The following NKAIN2 variants were observed in gnomAD, a reference collection of about 807,000 sequenced individuals.
NKAIN2 encodes the protein sodium/potassium-transporting ATPase subunit beta-1-interacting protein 2.
Under a neutral mutation model 32.6 loss-of-function variants are expected in NKAIN2, and 14 were observed. The observed-to-expected ratio is 0.43, with a 90% CI of 0.28 to 0.67. The LOEUF (loss-of-function observed/expected upper bound fraction) is 0.67, where lower values mean the gene tolerates loss of function less well. Among genes scored for constraint, NKAIN2 ranks in the 30% least tolerant of loss-of-function variants. The pLI is 0.17. For synonymous variants in NKAIN2, 80 were observed against 87.2 expected, an observed-to-expected ratio of 0.92 and a Z score of 0.46; for missense variants, 198 against 258.3, an observed-to-expected ratio of 0.77 and a Z score of 1.60.
At position 124,698,608 on chromosome 6, in the gene NKAIN2, T is replaced by G. The variant is rs548291671; in HGVS notation, c.474+40222T>G. On this transcript the variant is annotated intron_variant, in intron 4 of 6. Transcript: ENST00000368417. ...CCGACTTACAATCTTGCAGGATAATTACTTTGCTCTCTAGAAAAGAAGTCC... is the reference window on the plus strand; with the variant it reads ...CCGACTTACAATCTTGCAGGATAATGACTTTGCTCTCTAGAAAAGAAGTCC... Among the ~76,000 whole-genome samples, 6 of 152,322 alleles carry G rather than the reference T, an allele frequency of 3.9e-5. No individual in the cohort carries two copies. The South Asian group carries it at 1.2e-3, about 32-fold the overall frequency.
intron 1 of NKAIN2, among the ~76,000 whole-genome samples, chr6:123,846,615 A>T (rs1182213287): frequency 1.3e-5 from 2 of 152,184 alleles, no homozygotes; most frequent in Admixed American, 6.5e-5. Context: ...TTATAGCAAC[A>T]TTGCATCAAG....
chr6:124,260,336 G>A (rs1350627787), intron 1 of NKAIN2, among the ~76,000 whole-genome samples: 2 of 152,144 alleles, frequency 1.3e-5, no homozygotes, highest in African/African-American at 4.8e-5. Flanking sequence ...ATGCAAACGA[G>A]AAATAATAAA....
At chr6:124,064,044 G>A (rs1018077280) in intron 1 of NKAIN2, among the ~76,000 whole-genome samples, 3 of 151,236 alleles carry the variant, frequency 2.0e-5, no homozygotes, top group African/African-American at 4.9e-5. Flanking sequence ...TCTGCCTCCC[G>A]GGTTCACACC....
intron 1 of NKAIN2, among the ~76,000 whole-genome samples, chr6:123,985,333 G>T (rs542312325): frequency 5.3e-5 from 8 of 152,278 alleles, no homozygotes; most frequent in Admixed American, 4.6e-4. Context: ...CTGGGAGGCA[G>T]AGGTTGCAGT....
chr6:124,653,094 C>T (rs144801534), intron 3 of NKAIN2, among the ~76,000 whole-genome samples: 197 of 152,194 alleles, frequency 1.3e-3, no homozygotes, highest in African/African-American at 4.5e-3. Context: ...CCAGCTTGAT[C>T]GATAGATTCA....
rs866380469 is a variant in NKAIN2, at chr6:124,029,209, G to A, written c.54+224955G>A. Among the ~76,000 whole-genome samples, 3 of 151,870 alleles carry A rather than the reference G, an allele frequency of 2.0e-5. No individual in the cohort carries two copies. The South Asian group carries it at 6.2e-4, about 32-fold the overall frequency. ...TTTAACAATTAAACATGTCTGGGATGTCTGTCTATTGTGACGGAAAGTGCT... is the reference window on the plus strand; with the variant it reads ...TTTAACAATTAAACATGTCTGGGATATCTGTCTATTGTGACGGAAAGTGCT... On this transcript the variant is annotated intron_variant, in intron 1 of 6. Transcript: ENST00000368417.
At chr6:124,028,925 G>GAA (rs1554243176) in intron 1 of NKAIN2, among the ~76,000 whole-genome samples, 1 of 81,394 alleles carries the variant, frequency 1.2e-5, no homozygotes, top group African/African-American at 5.9e-5. Flanking sequence ...ATATATATGT[G>GAA]TATATATATA....
At chr6:124,551,747 T>G (rs1167494787) in intron 3 of NKAIN2, among the ~76,000 whole-genome samples, 2 of 152,182 alleles carry the variant, frequency 1.3e-5, no homozygotes, top group Non-Finnish European at 2.9e-5. Flanking sequence ...GTCAGATAAA[T>G]GAAGCCAGAA....
intron 1 of NKAIN2, among the ~76,000 whole-genome samples, chr6:124,251,141 A>T (rs1793676803): frequency 6.6e-6 from 1 of 152,066 alleles, no homozygotes; most frequent in Admixed American, 6.6e-5. Context: ...TTGTGGAAGT[A>T]GTAATACTGA....
chr6:124,062,228 A>G (rs963873131), intron 1 of NKAIN2, among the ~76,000 whole-genome samples: 1 of 152,202 alleles, frequency 6.6e-6, no homozygotes, highest in Non-Finnish European at 1.5e-5. Flanking sequence ...GATTAAGAAC[A>G]TAATGTTTTA....
rs949272591 is a variant in NKAIN2, at chr6:124,138,851, C to T, written c.55-144154C>T. The stretch of plus-strand genomic sequence containing the variant: ...TGGAAATCCAAATATTTTATGTTCT[C>T]ATTTTAAGTGGGAGCTAAGTTATGA... On this transcript the variant is annotated intron_variant, in intron 1 of 6. Coordinates refer to ENST00000368417, the MANE Select transcript of NKAIN2 (RefSeq NM_001040214.3). Among the ~76,000 whole-genome samples the T allele has an allele frequency of 2.0e-5, 3 of 150,608 alleles. No homozygotes were observed. The South Asian group carries it at 6.2e-4, about 31-fold the overall frequency.
intron 1 of NKAIN2, among the ~76,000 whole-genome samples, chr6:123,926,679 T>G (rs1776021036): frequency 6.6e-6 from 1 of 152,196 alleles, no homozygotes; most frequent in Non-Finnish European, 1.5e-5. Flanking sequence ...GTCATTGGTT[T>G]TTTCAGACTG....
At chr6:124,551,397 C>A (rs1330533313) in intron 3 of NKAIN2, among the ~76,000 whole-genome samples, 1 of 152,130 alleles carries the variant, frequency 6.6e-6, no homozygotes, top group Non-Finnish European at 1.5e-5. Context: ...AGTGGTGTTG[C>A]CATCTTCTCT....
In NKAIN2 at chr6:124,100,676, T is replaced by G. The variant is rs144950846; in HGVS notation, c.55-182329T>G. On this transcript the variant is annotated intron_variant, in intron 1 of 6. Transcript: ENST00000368417. The stretch of plus-strand genomic sequence containing the variant: ...TCTCTTGCTGCAATATGGATATTGA[T>G]GTCACAACCTGACAATTTAAATTAG... 7.6e-3 allele frequency among the ~76,000 whole-genome samples: 1,162 copies of G among 152,370 alleles called. 4 individuals carry two copies. Among genetic ancestry groups the G allele is most frequent in the Admixed American group, 0.011 (164 of 15,312 alleles).
intron 3 of NKAIN2, among the ~76,000 whole-genome samples, chr6:124,362,799 A>G (rs1377515016): frequency 6.6e-6 from 1 of 152,136 alleles, no homozygotes; most frequent in Non-Finnish European, 1.5e-5. Context: ...ACCAAAATTT[A>G]TTTTGAAAAA....
chr6:124,728,804 C>A (rs1776475737), intron 4 of NKAIN2, among the ~76,000 whole-genome samples: 1 of 151,932 alleles, frequency 6.6e-6, no homozygotes, highest in Non-Finnish European at 1.5e-5. Context: ...AATTGATAGA[C>A]CGCTAGCAAG....
At chr6:124,802,803 T>C (rs1287677780) in intron 5 of NKAIN2, among the ~76,000 whole-genome samples, 1 of 152,172 alleles carries the variant, frequency 6.6e-6, no homozygotes, top group African/African-American at 2.4e-5. Context: ...TCTTCACCCT[T>C]ATTTGGAAGC....
At chr6:124,709,171 G>A (rs1256673367) in intron 4 of NKAIN2, among the ~76,000 whole-genome samples, 1 of 145,138 alleles carries the variant, frequency 6.9e-6, no homozygotes, top group Admixed American at 6.9e-5. Flanking sequence ...AACCAGCCTT[G>A]CATCCCAGGG....
At chr6:123,875,271 T>C (rs78108573) in intron 1 of NKAIN2, among the ~76,000 whole-genome samples, 2,333 of 152,102 alleles carry the variant, frequency 0.015, 30 homozygotes, top group Non-Finnish European at 0.024. Flanking sequence ...TTAAAACGTA[T>C]GAACATGTAA....
Sources: gnomAD v4.1 joint callset for allele counts (sites outside exome capture counted in the v4.1 genomes callset) on GRCh38, gnomAD v4.1.1 for gene constraint, MANE v1.5 for transcripts, NCBI Gene and HGNC (gene_info 2026-07-23, HGNC 2026-07-21) for gene names.